Variants in NDUFA5 observed in about 807,000 individuals in gnomAD.
The protein encoded by NDUFA5 is NADH dehydrogenase [ubiquinone] 1 alpha subcomplex subunit 5.
In NDUFA5, 11 loss-of-function variants were observed where a neutral mutation model predicts 19.8. The ratio of observed to expected loss-of-function variants is 0.56; its 90% CI spans 0.35 to 0.92. The LOEUF (loss-of-function observed/expected upper bound fraction) is 0.92. Ranked by LOEUF, NDUFA5 falls within the 40% of genes least tolerant of loss-of-function variation. The pLI, the probability that NDUFA5 is intolerant of heterozygous loss-of-function variation, is 0.01. For missense variants in NDUFA5, 109 were observed against 134.2 expected, an observed-to-expected ratio of 0.81 and a Z score of 0.93; for synonymous variants, 47 against 46.8, an observed-to-expected ratio of 1.00 and a Z score of -0.01.
the NDUFA5 span, among the ~76,000 whole-genome samples, chr7:123,564,060 C>T: frequency 2.6e-5 from 4 of 152,116 alleles, no homozygotes; most frequent in African/African-American, 9.7e-5. Flanking sequence ...ACAACACAGA[C>T]GGGAAGAAGA....
At chr7:123,561,875 C>T (rs1290831802), upstream of NDUFA5, among the ~76,000 whole-genome samples, 1 of 151,438 alleles carries the variant, frequency 6.6e-6, no homozygotes. Flanking sequence ...GGATTACAAG[C>T]GTGGCCACCG....
intron 3 of NDUFA5, 27 bp downstream of exon 3, chr7:123,550,443 G>T (rs1281821738): frequency 5.3e-6 from 8 of 1,501,316 alleles, no homozygotes; most frequent in Non-Finnish European, 7.4e-6. Context: ...TGTTACACAA[G>T]ACAACAAAAC....
At chr7:123,579,826 T>C in the NDUFA5 span, among the ~76,000 whole-genome samples, 2 of 152,200 alleles carry the variant, frequency 1.3e-5, no homozygotes, top group African/African-American at 4.8e-5. Flanking sequence ...TATTTAGACA[T>C]TTAGTTTAAG....
intron 2 of NDUFA5, chr7:123,555,876 C>G (rs1172937080): frequency 6.6e-6 from 1 of 152,152 alleles, no homozygotes; most frequent in African/African-American, 2.4e-5. Flanking sequence ...AAGGAGAGAT[C>G]TGACCTACCT....
chr7:123,585,204 G>A, the NDUFA5 span, among the ~76,000 whole-genome samples: 1 of 151,566 alleles, frequency 6.6e-6, no homozygotes, highest in South Asian at 2.1e-4. Context: ...TTTGAATTTT[G>A]TACCAATCCC....
At position 123,550,527 on chromosome 7, in the gene NDUFA5, T is replaced by G; in HGVS notation, c.126A>C (p.Ala42=). 1 of 1,611,722 alleles carries G rather than the reference T, an allele frequency of 6.2e-7. No individual in the cohort carries two copies. The highest frequency in any genetic ancestry group is 8.5e-7 in the Non-Finnish European group (1 of 1,178,882). ...LDVLEEIPKN[A]AYRKYTEQIT... Reference sequence around the variant, plus strand: ...TCTGTTCTGTATACTTTCTATATGCTGCATTTTTAGGGATTTCCTCAAGAA... The same window carrying G: ...TCTGTTCTGTATACTTTCTATATGCGGCATTTTTAGGGATTTCCTCAAGAA... Residue 42 remains alanine (A), a synonymous_variant, in exon 3 of 5, where the codon GCA becomes GCC. Transcript: ENST00000355749.
At chr7:123,544,474 G>A (rs1798051834) in intron 4 of NDUFA5, among the ~76,000 whole-genome samples, 3 of 144,396 alleles carry the variant, frequency 2.1e-5, no homozygotes, top group Admixed American at 1.4e-4. Flanking sequence ...CTCCAGCCTG[G>A]GCAACAAGAG....
At chr7:123,569,460 G>A in the NDUFA5 span, among the ~76,000 whole-genome samples, 60 of 152,316 alleles carry the variant, frequency 3.9e-4, no homozygotes, top group Non-Finnish European at 7.3e-4. Flanking sequence ...GGGTGGTGGT[G>A]TGTGATCCTA....
At chr7:123,542,924 A>C (rs961550328) in intron 4 of NDUFA5, among the ~76,000 whole-genome samples, 2 of 152,234 alleles carry the variant, frequency 1.3e-5, no homozygotes, top group African/African-American at 4.8e-5. Flanking sequence ...ACAACAAACA[A>C]TATTTATGAC....
Position 123,537,656 on chromosome 7 carries a change from A to G in NDUFA5, c.*4463T>C, listed in dbSNP as rs1344644725. ...CATTGAAGTGCGATAAATACCACAA[A>G]TAGCCTCATGTAATTCAGGTGGGGT... On this transcript the variant is annotated 3_prime_UTR_variant, in exon 5 of 5. Transcript: ENST00000355749. 1 of 152,140 alleles carries G rather than the reference A, an allele frequency of 6.6e-6. No individual in the cohort carries two copies. Among genetic ancestry groups the G allele is most frequent in the East Asian group, 1.9e-4 (1 of 5,186 alleles). The allele number at this position is 152,140 out of a possible 1,614,324, so 9.4% of individuals were successfully genotyped here.
intron 2 of NDUFA5, 53 bp downstream of exon 2, chr7:123,557,351 G>A: frequency 6.2e-7 from 1 of 1,611,186 alleles, no homozygotes; most frequent in Non-Finnish European, 8.5e-7. Context: ...AAAGTGACAG[G>A]AATTTAGTCT....
At chr7:123,583,729 C>T in the NDUFA5 span, among the ~76,000 whole-genome samples, 1 of 151,838 alleles carries the variant, frequency 6.6e-6, no homozygotes, top group Admixed American at 6.6e-5. Context: ...GATCCTTAAG[C>T]ATAAGAACAC....
chr7:123,566,326 ACC>A, the NDUFA5 span, among the ~76,000 whole-genome samples: 2 of 152,208 alleles, frequency 1.3e-5, no homozygotes, highest in Non-Finnish European at 2.9e-5. Context: ...CACTGTCAAT[ACC>A]TCTATATTGG....
At chr7:123,592,003 C>T in the NDUFA5 span, among the ~76,000 whole-genome samples, 1 of 152,080 alleles carries the variant, frequency 6.6e-6, no homozygotes, top group Non-Finnish European at 1.5e-5. Flanking sequence ...TTCAGAGATT[C>T]AACTTTTTCC....
the NDUFA5 span, among the ~76,000 whole-genome samples, chr7:123,576,987 G>A: frequency 2.0e-5 from 3 of 152,132 alleles, no homozygotes; most frequent in South Asian, 2.1e-4. Context: ...TTTTGCAGCC[G>A]TGGTCAAACA....
At chr7:123,569,234 C>T in the NDUFA5 span, among the ~76,000 whole-genome samples, 453 of 152,196 alleles carry the variant, frequency 3.0e-3, 4 homozygotes, top group African/African-American at 0.01. Flanking sequence ...ATCTTGGCAA[C>T]ATCTTAACAT....
chr7:123,544,498 CAAAAAAAAAAAAAA>C (rs754788912), intron 4 of NDUFA5, among the ~76,000 whole-genome samples: 1 of 72,956 alleles, frequency 1.4e-5, no homozygotes, highest in Non-Finnish European at 2.7e-5. Context: ...AACTCCATCT[CAAAAAAAAAAAAAA>C]AAAAAAAATT....
intron 2 of NDUFA5, among the ~76,000 whole-genome samples, chr7:123,552,239 CA>C (rs1320286604): frequency 6.6e-6 from 1 of 151,288 alleles, no homozygotes; most frequent in African/African-American, 2.4e-5. Flanking sequence ...GGAACCAACC[CA>C]AATGCCCAGT....
At chr7:123,565,537 T>G in the NDUFA5 span, among the ~76,000 whole-genome samples, 1 of 152,188 alleles carries the variant, frequency 6.6e-6, no homozygotes. Context: ...TAATACAAAT[T>G]GTTTCCCCCA....
Sources: allele counts gnomAD v4.1 joint callset (sites outside exome capture counted in the v4.1 genomes callset), GRCh38; gene constraint gnomAD v4.1.1; transcripts MANE v1.5; gene names NCBI Gene and HGNC (gene_info 2026-07-23, HGNC 2026-07-21).